OTUD6B: variants seen among roughly 807,000 people sequenced by gnomAD.
OTUD6B encodes the protein deubiquitinase OTUD6B.
OTUD6B carries 41 observed loss-of-function variants against 36.9 expected under a neutral mutation model. The observed-to-expected ratio is 1.11, with a 90% CI of 0.87 to 1.44. The LOEUF (loss-of-function observed/expected upper bound fraction) is 1.44, where lower values mean the gene tolerates loss of function less well. Among genes scored for constraint, OTUD6B ranks in the 40% most tolerant of loss-of-function variants. OTUD6B has a pLI of 0.00. For missense variants in OTUD6B, 356 were observed against 344.8 expected, an observed-to-expected ratio of 1.03 and a Z score of -0.26; for synonymous variants, 114 against 114.2, an observed-to-expected ratio of 1.00 and a Z score of 0.01.
At chr8:91,070,544 C>T in intron 1 of OTUD6B, 78 bp downstream of exon 1, 1 of 1,377,204 alleles carries the variant, frequency 7.3e-7, no homozygotes, top group Admixed American at 2.0e-5. Context: ...TCTGGGGAAT[C>T]TCAAGGCGTG....
chr8:91,083,961 G>T, intron 5 of OTUD6B, 47 bp from the exon 6 acceptor site: 2 of 1,541,482 alleles, frequency 1.3e-6, no homozygotes, highest in Non-Finnish European at 1.7e-6. Flanking sequence ...ATTTGAATGT[G>T]ATTTACATTT....
chr8:91,082,729 GTGTT>G (rs1442310358), intron 5 of OTUD6B, among the ~76,000 whole-genome samples: 1 of 145,076 alleles, frequency 6.9e-6, no homozygotes, highest in Non-Finnish European at 1.5e-5. Context: ...AAATGCTTGA[GTGTT>G]TGGTCATATG....
chr8:91,076,442 G>A (rs1812804408), intron 3 of OTUD6B: 5 of 1,393,814 alleles, frequency 3.6e-6, no homozygotes, highest in Non-Finnish European at 4.7e-6. Flanking sequence ...ATGAAGCAAA[G>A]CATGAAGGGA....
chr8:91,082,909 A>G (rs1812936198), intron 5 of OTUD6B, among the ~76,000 whole-genome samples: 1 of 151,036 alleles, frequency 6.6e-6, no homozygotes, highest in South Asian at 2.1e-4. Context: ...TGGTTTTACC[A>G]TGTTGCCCAG....
chr8:91,084,009 T>TA lies in OTUD6B; in HGVS notation c.694dup (p.Arg232LysfsTer25). The TA allele has an allele frequency of 6.4e-7, 1 of 1,562,096 alleles. No individual in the cohort carries two copies. The highest frequency in any genetic ancestry group is 8.7e-7 in the Non-Finnish European group (1 of 1,153,792). ...CTGATACTTTTTTTCTTCCTATAGC[T>TA]AAGAGCTCTGTCTCACATTTTACAA... On this transcript the variant is annotated frameshift_variant and splice_region_variant, in exon 6 of 7. Transcript: ENST00000404789. LOFTEE classifies it high-confidence loss of function.
At position 91,071,217 on chromosome 8, in the gene OTUD6B, G is replaced by C. The variant is rs748780018; in HGVS notation, c.162G>C (p.Lys54Asn). ...AGCAACTCACCGAAGATGTGGCCAA[G>C]TTGGAAAAAGAAATGGAACAGAAAC... ...RRKQLTEDVA[K>N]LEKEMEQKHR... The change falls in exon 2 of 7, where the codon AAG becomes AAC. Residue 54 changes from lysine (K) to asparagine (N), a missense_variant. By Grantham distance (94) the Lys-to-Asn change is moderately conservative. Transcript: ENST00000404789. 1.2e-6 allele frequency: 2 copies of C among 1,613,880 alleles called. No homozygotes were observed. Among genetic ancestry groups the C allele is most frequent in the Non-Finnish European group, 8.5e-7 (1 of 1,179,814 alleles).
At chr8:91,084,149 C>A in intron 6 of OTUD6B, 35 bp downstream of exon 6, 3 of 1,168,730 alleles carry the variant, frequency 2.6e-6, no homozygotes, top group South Asian at 1.5e-5. Flanking sequence ...TTTTATTTTT[C>A]ACAATTAATA....
chr8:91,074,342 T>C (rs1409879674), intron 3 of OTUD6B, among the ~76,000 whole-genome samples: 1 of 152,012 alleles, frequency 6.6e-6, no homozygotes, highest in Non-Finnish European at 1.5e-5. Context: ...AACTATACCA[T>C]TGGGTGAGAA....
At chr8:91,077,458 A>G (rs1049572058) in intron 3 of OTUD6B, among the ~76,000 whole-genome samples, 12 of 151,990 alleles carry the variant, frequency 7.9e-5, no homozygotes, top group Non-Finnish European at 1.5e-4. Flanking sequence ...GTTTTTAGCT[A>G]TGAAACATAT....
chr8:91,080,280 T>C (rs1812877462), intron 4 of OTUD6B, among the ~76,000 whole-genome samples: 1 of 152,156 alleles, frequency 6.6e-6, no homozygotes, highest in African/African-American at 2.4e-5. Flanking sequence ...ATACAGGAAC[T>C]ACATTTTTTT....
chr8:91,082,478 T>C (rs964291166), intron 5 of OTUD6B, among the ~76,000 whole-genome samples: 12 of 151,908 alleles, frequency 7.9e-5, no homozygotes, highest in Admixed American at 7.2e-4. Flanking sequence ...TCTTCTAGGC[T>C]TAAGCTTTCC....
chr8:91,077,570 G>A (rs1002824806), intron 3 of OTUD6B, among the ~76,000 whole-genome samples: 16 of 151,642 alleles, frequency 1.1e-4, no homozygotes, highest in Admixed American at 4.6e-4. Flanking sequence ...TATTCTTCAT[G>A]TCACAAATCT....
At chr8:91,074,034 G>C (rs762895316) in intron 3 of OTUD6B, 123 bp downstream of exon 3, 2 of 570,410 alleles carry the variant, frequency 3.5e-6, no homozygotes, top group African/African-American at 3.8e-5. Context: ...CCTTGTCTAG[G>C]CACTTGAACT....
intron 5 of OTUD6B, among the ~76,000 whole-genome samples, chr8:91,083,556 T>A (rs1188333554): frequency 6.6e-6 from 1 of 152,162 alleles, no homozygotes; most frequent in Non-Finnish European, 1.5e-5. Flanking sequence ...ATCAAATTTT[T>A]TGAGGGCTGA....
chr8:91,086,231 A>C lies in OTUD6B; in HGVS notation c.*1363A>C, dbSNP rs1331299172. The C allele has an allele frequency of 2.6e-5, 4 of 152,108 alleles. No homozygotes were observed. The highest frequency in any genetic ancestry group is 9.6e-5 in the African/African-American group (4 of 41,460). The allele number at this position is 152,108 out of a possible 1,614,324, so 9.4% of individuals were successfully genotyped here. On this transcript the variant is annotated 3_prime_UTR_variant, in exon 7 of 7. Coordinates refer to ENST00000404789, the MANE Select transcript of OTUD6B (RefSeq NM_016023.5). ...GAATTTTTGCTCCATGAGTACAACT[A>C]ATTTTTATAAGTAAATATTGGGTTT...
At position 91,086,804 on chromosome 8, in the gene OTUD6B, A is replaced by ATTTTTT. The variant is rs1813025307; in HGVS notation, c.*1936_*1937insTTTTTT. On this transcript the variant is annotated 3_prime_UTR_variant, in exon 7 of 7. Transcript: ENST00000404789. ...TATCATTTTAGCTATAACCTAAAAAAGTGTTTAAATAAAATGACAGATGTT... is the reference window on the plus strand; with the variant it reads ...TATCATTTTAGCTATAACCTAAAAAATTTTTTGTGTTTAAATAAAATGACAGATGTT... The ATTTTTT allele has an allele frequency of 6.6e-6, 1 of 152,122 alleles. No homozygotes were observed. Among genetic ancestry groups the ATTTTTT allele is most frequent in the Admixed American group, 6.6e-5 (1 of 15,260 alleles). The allele number at this position is 152,122 out of a possible 1,614,324, so 9.4% of individuals were successfully genotyped here. A position where few individuals can be genotyped will look rare whatever the true frequency, so the allele number is the denominator to read the frequency against.
In OTUD6B at chr8:91,086,407, T is replaced by C. The variant is rs1213372768; in HGVS notation, c.*1539T>C. The C allele has an allele frequency of 6.6e-6, 1 of 152,100 alleles. No individual in the cohort carries two copies. Among genetic ancestry groups the C allele is most frequent in the East Asian group, 1.9e-4 (1 of 5,198 alleles). The allele number at this position is 152,100 out of a possible 1,614,324, so 9.4% of individuals were successfully genotyped here. On this transcript the variant is annotated 3_prime_UTR_variant, in exon 7 of 7. Transcript: ENST00000404789. Reference sequence around the variant, plus strand: ...TCTGCCTGCCAAACAAATTATATTCTGAAGATGCCTGTTTTGTAACCCTTG... The same window carrying C: ...TCTGCCTGCCAAACAAATTATATTCCGAAGATGCCTGTTTTGTAACCCTTG...
At chr8:91,081,158 A>G (rs568314601) in intron 5 of OTUD6B, among the ~76,000 whole-genome samples, 3 of 147,592 alleles carry the variant, frequency 2.0e-5, no homozygotes, top group East Asian at 3.9e-4. Flanking sequence ...AAAAAAAATT[A>G]TGTGAAATTA....
intron 4 of OTUD6B, 82 bp from the exon 5 acceptor site, chr8:91,080,587 G>A (rs1469534178): frequency 6.6e-7 from 1 of 1,508,604 alleles, no homozygotes; most frequent in East Asian, 2.5e-5. Flanking sequence ...TTTTTGTCAG[G>A]AATTGTGGGA....
Sources: allele counts gnomAD v4.1 joint callset (sites outside exome capture counted in the v4.1 genomes callset), GRCh38; gene constraint gnomAD v4.1.1; transcripts MANE v1.5; gene names NCBI Gene and HGNC (gene_info 2026-07-23, HGNC 2026-07-21).